The following ARHGAP6 variants were observed in gnomAD, a reference collection of about 807,000 sequenced individuals.
ARHGAP6 encodes the protein Rho GTPase activating protein 6, also known as rho GTPase-activating protein 6.
ARHGAP6 carries 16 observed loss-of-function variants against 55.7 expected under a neutral mutation model. The ratio of observed to expected loss-of-function variants is 0.29; its 90% CI spans 0.19 to 0.44. The LOEUF is 0.44. Among genes scored for constraint, ARHGAP6 ranks in the 20% least tolerant of loss-of-function variants. The probability of loss-of-function intolerance (pLI) is 1.00; values close to 1 mark genes in which losing one functional copy is unlikely to be tolerated. For synonymous variants in ARHGAP6, 382 were observed against 360.9 expected, an observed-to-expected ratio of 1.06 and a Z score of -0.66; for missense variants, 698 against 808.9, an observed-to-expected ratio of 0.86 and a Z score of 1.66.
At chrX:11,227,773 CT>C (rs768008361) in intron 2 of ARHGAP6, among the ~76,000 whole-genome samples, 13 of 109,463 alleles carry the variant, frequency 1.2e-4, no homozygotes, top group Non-Finnish European at 2.1e-4. Context: ...CCTCCAAATG[CT>C]TTTAAAATCT....
chrX:11,308,915 C>T (rs760852346), intron 1 of ARHGAP6, among the ~76,000 whole-genome samples: 112 of 111,969 alleles, frequency 1.0e-3, no homozygotes, highest in Middle Eastern at 4.6e-3. Flanking sequence ...AAAATATACA[C>T]GTCTTGGCAA....
chrX:11,353,237 C>A (rs911331515), intron 1 of ARHGAP6, among the ~76,000 whole-genome samples: 2 of 111,835 alleles, frequency 1.8e-5, no homozygotes, highest in African/African-American at 3.2e-5. Flanking sequence ...TAAGCCCCAG[C>A]AAAAGTTCTT....
intron 9 of ARHGAP6, among the ~76,000 whole-genome samples, chrX:11,165,674 G>A (rs1305235448): frequency 8.9e-6 from 1 of 111,835 alleles, no homozygotes; most frequent in African/African-American, 3.3e-5. Flanking sequence ...GCAAATAAGT[G>A]GCTGAGCAGG....
chrX:11,391,315 G>A (rs373046440), intron 1 of ARHGAP6, among the ~76,000 whole-genome samples: 56 of 111,008 alleles, frequency 5.0e-4, no homozygotes, highest in South Asian at 1.9e-3. Context: ...GGCCTGTTGT[G>A]GGGTGGGCAG....
rs748416467 is a variant in ARHGAP6, at chrX:11,138,899, G to A, written c.2889C>T (p.Thr963=). The change falls in exon 13 of 13, where the codon ACC becomes ACT. Residue 963 remains threonine (T), a synonymous_variant. Coordinates refer to ENST00000337414, the MANE Select transcript of ARHGAP6 (RefSeq NM_013427.3). The part of the protein sequence containing the change: ...ERWQIWELLS[T]DNPDALPETL... Reference sequence around the variant, plus strand: ...TCTCGGGCAGGGCATCGGGGTTGTCGGTCGACAGGAGCTCCCAGATCTGCC... The same window carrying A: ...TCTCGGGCAGGGCATCGGGGTTGTCAGTCGACAGGAGCTCCCAGATCTGCC... The A allele has an allele frequency of 5.9e-6, 7 of 1,184,871 alleles. No homozygotes were observed. In the East Asian group the frequency reaches 9.2e-5, roughly 15 times the overall value.
chrX:11,454,808 C>A (rs185537105), intron 1 of ARHGAP6, among the ~76,000 whole-genome samples: 35 of 112,496 alleles, frequency 3.1e-4, no homozygotes, highest in Admixed American at 6.6e-4. Flanking sequence ...AGACGGATCT[C>A]ATGTCATAGG....
At chrX:11,652,808 G>T (rs745893323) in intron 1 of ARHGAP6, among the ~76,000 whole-genome samples, 1 of 111,803 alleles carries the variant, frequency 8.9e-6, no homozygotes, top group East Asian at 2.8e-4. Context: ...TAGACTGGGG[G>T]TGTCATAGAT....
At chrX:11,193,190 C>T (rs1229732433) in intron 3 of ARHGAP6, among the ~76,000 whole-genome samples, 1 of 112,396 alleles carries the variant, frequency 8.9e-6, no homozygotes, top group African/African-American at 3.2e-5. Context: ...AATATGGTAG[C>T]ATATCAACCA....
At chrX:11,182,853 C>T (rs2046336376) in intron 5 of ARHGAP6, among the ~76,000 whole-genome samples, 1 of 109,653 alleles carries the variant, frequency 9.1e-6, no homozygotes, top group Admixed American at 9.8e-5. Flanking sequence ...CAGGCTCAAG[C>T]GATCCACCTG....
intron 1 of ARHGAP6, among the ~76,000 whole-genome samples, chrX:11,533,263 T>C (rs1404336677): frequency 1.8e-5 from 2 of 111,264 alleles, no homozygotes; most frequent in African/African-American, 3.3e-5. Context: ...TAAGACCATT[T>C]ACATTTTCAA....
chrX:11,594,515 T>TCA (rs932327398), intron 1 of ARHGAP6, among the ~76,000 whole-genome samples: 4 of 111,595 alleles, frequency 3.6e-5, no homozygotes, highest in Admixed American at 2.9e-4. Flanking sequence ...GAACCAGGCC[T>TCA]CACAGCAGGA....
intron 1 of ARHGAP6, among the ~76,000 whole-genome samples, chrX:11,327,282 G>T (rs896673699): frequency 8.9e-6 from 1 of 112,343 alleles, no homozygotes; most frequent in Non-Finnish European, 1.9e-5. Context: ...AGAAAGAAAA[G>T]AAAATCTTGC....
intron 1 of ARHGAP6, among the ~76,000 whole-genome samples, chrX:11,466,151 CT>C (rs1439893065): frequency 8.9e-6 from 1 of 111,835 alleles, no homozygotes; most frequent in Non-Finnish European, 1.9e-5. Context: ...TCATATTTCT[CT>C]TTGTAGAGTA....
At chrX:11,465,660 T>C (rs2050285488) in intron 1 of ARHGAP6, among the ~76,000 whole-genome samples, 1 of 112,204 alleles carries the variant, frequency 8.9e-6, no homozygotes, top group Non-Finnish European at 1.9e-5. Flanking sequence ...TAGATTCACA[T>C]ACCCAAGTTG....
intron 1 of ARHGAP6, among the ~76,000 whole-genome samples, chrX:11,315,912 T>A (rs756471101): frequency 8.9e-6 from 1 of 112,107 alleles, no homozygotes; most frequent in South Asian, 3.8e-4. Flanking sequence ...CTAGGACATT[T>A]TTTTCTTGAA....
chrX:11,573,056 T>A (rs1175055786), intron 1 of ARHGAP6, among the ~76,000 whole-genome samples: 2 of 111,760 alleles, frequency 1.8e-5, no homozygotes, highest in Non-Finnish European at 3.8e-5. Context: ...TGTAAATTTG[T>A]TTGAGTTCAT....
At chrX:11,244,349 G>C (rs1230823397) in intron 2 of ARHGAP6, among the ~76,000 whole-genome samples, 1 of 111,380 alleles carries the variant, frequency 9.0e-6, no homozygotes, top group African/African-American at 3.3e-5. Flanking sequence ...GGACATGGCT[G>C]GGTTTTAATA....
chrX:11,621,175 C>G (rs766037508), intron 1 of ARHGAP6, among the ~76,000 whole-genome samples: 3 of 111,821 alleles, frequency 2.7e-5, no homozygotes, highest in Non-Finnish European at 5.6e-5. Context: ...CATACATGAA[C>G]AGAGAGCAAG....
chrX:11,236,302 A>G (rs1012443194), intron 2 of ARHGAP6, among the ~76,000 whole-genome samples: 8 of 111,501 alleles, frequency 7.2e-5, no homozygotes, highest in African/African-American at 2.6e-4. Flanking sequence ...GTGCGAACTC[A>G]CTATTACGAG....
Sources: allele counts gnomAD v4.1 joint callset (sites outside exome capture counted in the v4.1 genomes callset), GRCh38; gene constraint gnomAD v4.1.1; transcripts MANE v1.5; gene names NCBI Gene and HGNC (gene_info 2026-07-23, HGNC 2026-07-21).